Variants in CDH4 observed in about 807,000 individuals in gnomAD.
CDH4 encodes cadherin 4.
In CDH4, 33 loss-of-function variants were observed where a neutral mutation model predicts 86.0. That is an observed-to-expected ratio of 0.38 (90% CI 0.29 to 0.51). CDH4 has a LOEUF of 0.51. Among genes scored for constraint, CDH4 ranks in the 20% least tolerant of loss-of-function variants. CDH4 has a pLI of 0.86. For synonymous variants in CDH4, 555 were observed against 549.4 expected, an observed-to-expected ratio of 1.01 and a Z score of -0.14; for missense variants, 1,114 against 1,307.4, an observed-to-expected ratio of 0.85 and a Z score of 2.28.
At chr20:61,388,468 C>T (rs2084964022) in intron 2 of CDH4, among the ~76,000 whole-genome samples, 1 of 152,116 alleles carries the variant, frequency 6.6e-6, no homozygotes. Context: ...GAAGCCTGAG[C>T]CCTCGAAGGG....
At chr20:61,889,351 T>TG (rs1193331190) in intron 7 of CDH4, among the ~76,000 whole-genome samples, 10 of 126,258 alleles carry the variant, frequency 7.9e-5, no homozygotes, top group Non-Finnish European at 1.3e-4. Context: ...GGTGAGTGGA[T>TG]GGTGGATGAT....
At chr20:61,869,347 G>A (rs992827384) in intron 6 of CDH4, among the ~76,000 whole-genome samples, 5 of 152,224 alleles carry the variant, frequency 3.3e-5, no homozygotes, top group African/African-American at 7.2e-5. Flanking sequence ...ATTGCTGGAC[G>A]CATCCTCTCA....
At chr20:61,678,408 A>G (rs1040278715) in intron 2 of CDH4, among the ~76,000 whole-genome samples, 1 of 152,204 alleles carries the variant, frequency 6.6e-6, no homozygotes, top group Non-Finnish European at 1.5e-5. Flanking sequence ...TAACTGGGTA[A>G]TTGGTTCAGA....
chr20:61,597,750 A>T (rs935975214), intron 2 of CDH4, among the ~76,000 whole-genome samples: 17 of 152,200 alleles, frequency 1.1e-4, no homozygotes, highest in African/African-American at 4.1e-4. Flanking sequence ...AGGGTGGCCC[A>T]TGAAGGAGCC....
intron 2 of CDH4, among the ~76,000 whole-genome samples, chr20:61,580,380 C>T (rs376004813): frequency 3.9e-5 from 6 of 152,130 alleles, no homozygotes; most frequent in African/African-American, 9.6e-5. Flanking sequence ...GCTGGCCACC[C>T]GGGAGGTGGA....
chr20:61,477,526 T>C (rs889188655), intron 2 of CDH4, among the ~76,000 whole-genome samples: 20 of 152,200 alleles, frequency 1.3e-4, no homozygotes, highest in African/African-American at 4.6e-4. Flanking sequence ...ACAGAAGAGA[T>C]GAGGGCTGTG....
rs1187570410 is a variant in CDH4 at position 61,480,890 on chromosome 20, C to G, written c.169+225953C>G. 1.3e-5 allele frequency among the ~76,000 whole-genome samples: 2 copies of G among 152,234 alleles called. No homozygotes were observed. Among genetic ancestry groups the G allele is most frequent in the Non-Finnish European group, 2.9e-5 (2 of 68,042 alleles). ...TAGGTCTGCTCCTACATGCATTGCC[C>G]TCACATGGATTTGTGCGACCAAGAT... On this transcript the variant is annotated intron_variant, in intron 2 of 15. Coordinates refer to ENST00000614565, the MANE Select transcript of CDH4 (RefSeq NM_001794.5). This position sits in a 1 kb window ranked among gnomAD's most constrained non-coding sequence, Gnocchi z 5.2.
Position 61,252,680 on chromosome 20 carries a change from C to A in CDH4, c.57+110C>A. The A allele has an allele frequency of 1.8e-6, 1 of 555,416 alleles. No homozygotes were observed. The highest frequency in any genetic ancestry group is 4.5e-5 in the East Asian group (1 of 22,336). The allele number at this position is 555,416 out of a possible 1,614,324, so 34.4% of individuals were successfully genotyped here. A position where few individuals can be genotyped will look rare whatever the true frequency, so the allele number is the denominator to read the frequency against. On this transcript the variant is annotated intron_variant, in intron 1 of 15. Transcript: ENST00000614565. The surrounding 1 kb of genome is among the most constrained non-coding windows in gnomAD (Gnocchi z 4.4). ...CCGGCGGGGCTCTCCCGGGCTCCCC[C>A]GCCGCGCTCCCCGCTGCATCCAGCC...
At chr20:61,719,098 C>T (rs1024176582) in intron 2 of CDH4, 6 of 470,994 alleles carry the variant, frequency 1.3e-5, no homozygotes, top group African/African-American at 4.0e-5. Context: ...TGATCAAAAT[C>T]GTATCCCAGC....
intron 2 of CDH4, among the ~76,000 whole-genome samples, chr20:61,552,726 AAAAAC>A (rs2086142804): frequency 6.6e-6 from 1 of 152,112 alleles, no homozygotes. Context: ...AGAAAAAAAC[AAAAAC>A]AAAAGAGTGA....
chr20:61,866,465 C>G (rs943359412), intron 6 of CDH4, among the ~76,000 whole-genome samples: 10 of 152,200 alleles, frequency 6.6e-5, no homozygotes, highest in African/African-American at 2.4e-4. Context: ...GCCAGCTGCC[C>G]TCTGTGCCAT....
Position 61,795,711 on chromosome 20 carries a change from A to T in CDH4, c.576+22529A>T, listed in dbSNP as rs528266632. ...TCTGGAACATACCAGAGGCGGGGCC[A>T]GGAGTGTGGACTCAGGAAGGAGGGA... On this transcript the variant is annotated intron_variant, in intron 4 of 15. Coordinates refer to ENST00000614565, the MANE Select transcript of CDH4 (RefSeq NM_001794.5). Among the ~76,000 whole-genome samples, 4 of 152,312 alleles carry T rather than the reference A, an allele frequency of 2.6e-5. No individual in the cohort carries two copies. In the East Asian group the frequency reaches 5.8e-4, roughly 22 times the overall value.
At chr20:61,332,253 A>T (rs2084585995) in intron 2 of CDH4, among the ~76,000 whole-genome samples, 1 of 152,098 alleles carries the variant, frequency 6.6e-6, no homozygotes, top group Non-Finnish European at 1.5e-5. Flanking sequence ...GGGTGGGCGG[A>T]GCGGTGACGG....
chr20:61,646,692 G>A (rs897754833), intron 2 of CDH4, among the ~76,000 whole-genome samples: 4 of 152,228 alleles, frequency 2.6e-5, no homozygotes, highest in Admixed American at 2.6e-4. Context: ...TCGGCGCCCC[G>A]GCTGCTCGCC....
intron 2 of CDH4, among the ~76,000 whole-genome samples, chr20:61,492,948 G>A (rs981665650): frequency 6.6e-6 from 1 of 152,200 alleles, no homozygotes; most frequent in Non-Finnish European, 1.5e-5. Context: ...AGTGGAGGTG[G>A]ATGGAGAATC....
chr20:61,459,896 C>T (rs2085432179), intron 2 of CDH4, among the ~76,000 whole-genome samples: 1 of 151,868 alleles, frequency 6.6e-6, no homozygotes, highest in African/African-American at 2.4e-5. Context: ...AGCCTGTGAC[C>T]CACAGAAGGT....
intron 10 of CDH4, 81 bp from the exon 11 acceptor site, chr20:61,924,253 G>A: frequency 1.4e-6 from 2 of 1,400,996 alleles, no homozygotes; most frequent in Middle Eastern, 2.3e-4. Flanking sequence ...GGCCCTGGAG[G>A]TGTGGCCAAG....
chr20:61,894,853 G>GT, intron 7 of CDH4, 57 bp from the exon 8 acceptor site: 1 of 1,562,836 alleles, frequency 6.4e-7, no homozygotes, highest in Non-Finnish European at 8.7e-7. Flanking sequence ...TAAGTGCCCT[G>GT]TCAATTAAAA....
At chr20:61,343,226 C>T (rs1339067750) in intron 2 of CDH4, among the ~76,000 whole-genome samples, 1 of 152,190 alleles carries the variant, frequency 6.6e-6, no homozygotes. Context: ...TTGCACTTAG[C>T]ATGCGTAATG....
Sources: allele counts gnomAD v4.1 joint callset (sites outside exome capture counted in the v4.1 genomes callset), GRCh38; gene constraint gnomAD v4.1.1; non-coding constraint Gnocchi (gnomAD v3.1); transcripts MANE v1.5; gene names NCBI Gene and HGNC (gene_info 2026-07-23, HGNC 2026-07-21).